Variants in TASP1 observed in about 807,000 individuals in gnomAD.
TASP1 encodes threonine aspartase 1.
A neutral mutation model predicts 56.6 loss-of-function variants in TASP1; 16 were observed. That is an observed-to-expected ratio of 0.28 (90% CI 0.19 to 0.43). The LOEUF is 0.43. TASP1 is among the 20% of genes least tolerant of loss of function. The probability of loss-of-function intolerance (pLI) is 1.00; values close to 1 mark genes in which losing one functional copy is unlikely to be tolerated. For synonymous variants in TASP1, 179 were observed against 184.2 expected, an observed-to-expected ratio of 0.97 and a Z score of 0.23; for missense variants, 393 against 511.6, an observed-to-expected ratio of 0.77 and a Z score of 2.24.
chr20:13,228,369 A>G, the TASP1 span, among the ~76,000 whole-genome samples: 3 of 152,208 alleles, frequency 2.0e-5, no homozygotes, highest in Non-Finnish European at 4.4e-5. Context: ...TATAAACTCT[A>G]TAAGAACCTA....
chr20:13,357,693 C>T, the TASP1 span, among the ~76,000 whole-genome samples: 1 of 152,188 alleles, frequency 6.6e-6, no homozygotes, highest in African/African-American at 2.4e-5. Flanking sequence ...CAAAGACTTA[C>T]ACATGAATAT....
At chr20:13,159,688 T>C in the TASP1 span, among the ~76,000 whole-genome samples, 1 of 152,220 alleles carries the variant, frequency 6.6e-6, no homozygotes, top group Non-Finnish European at 1.5e-5. Flanking sequence ...TGCAGATTTG[T>C]TAAACCAGAG....
rs187437626 is a variant in TASP1 at position 13,505,851 on chromosome 20, A to G, written c.875-22514T>C. On this transcript the variant is annotated intron_variant, in intron 10 of 13. Coordinates refer to ENST00000337743, the MANE Select transcript of TASP1 (RefSeq NM_017714.3). ...ACCTAATTTTATACTTCAATAAACT[A>G]GAAAAAGAAAAACATACGAAGGCCA... Among the ~76,000 whole-genome samples the G allele has an allele frequency of 1.2e-3, 188 of 152,256 alleles. 2 individuals carry two copies. The highest frequency in any genetic ancestry group is 2.4e-3 in the Non-Finnish European group (163 of 68,002).
chr20:13,219,621 A>G, the TASP1 span, among the ~76,000 whole-genome samples: 1 of 152,074 alleles, frequency 6.6e-6, no homozygotes, highest in Non-Finnish European at 1.5e-5. Flanking sequence ...ATGAAAAGGA[A>G]AAAATATAGC....
intron 8 of TASP1, among the ~76,000 whole-genome samples, chr20:13,547,279 T>A (rs539409215): frequency 6.6e-6 from 1 of 152,282 alleles, no homozygotes; most frequent in African/African-American, 2.4e-5. Context: ...CTGTGCCAAC[T>A]AGAAGAAAGA....
rs78341474 is a variant in TASP1 at position 13,582,514 on chromosome 20, T to C, written c.404-1533A>G. Among the ~76,000 whole-genome samples, 25 of 152,092 alleles carry C rather than the reference T, an allele frequency of 1.6e-4. No individual in the cohort carries two copies. The East Asian group carries it at 4.8e-3, about 29-fold the overall frequency. On this transcript the variant is annotated intron_variant, in intron 5 of 13. Transcript: ENST00000337743. ...TGACTCTTAATCAGAAAAATAAAAC[T>C]TTGAAAAAGAAAAATGAAGAGTTAT...
chr20:13,110,847 G>A, the TASP1 span, among the ~76,000 whole-genome samples: 1 of 152,038 alleles, frequency 6.6e-6, no homozygotes, highest in Admixed American at 6.5e-5. Flanking sequence ...GCAAATTGAG[G>A]GGGATATCTC....
intron 11 of TASP1, among the ~76,000 whole-genome samples, chr20:13,437,184 G>A (rs1442123188): frequency 1.3e-5 from 2 of 152,018 alleles, no homozygotes; most frequent in Non-Finnish European, 2.9e-5. Flanking sequence ...TTCATCCCTG[G>A]GATGCAAGGC....
the TASP1 span, among the ~76,000 whole-genome samples, chr20:13,380,078 T>G: frequency 6.6e-6 from 1 of 152,224 alleles, no homozygotes; most frequent in Admixed American, 6.5e-5. Context: ...TTCTGTCAAT[T>G]CATCAAACTC....
chr20:13,544,876 AGG>A (rs1181475163), intron 8 of TASP1, among the ~76,000 whole-genome samples: 1 of 152,216 alleles, frequency 6.6e-6, no homozygotes, highest in East Asian at 1.9e-4. Flanking sequence ...AAGGACTGGA[AGG>A]TAACATGGAC....
chr20:13,124,469 G>A, the TASP1 span, among the ~76,000 whole-genome samples: 4 of 151,618 alleles, frequency 2.6e-5, no homozygotes, highest in African/African-American at 9.7e-5. Flanking sequence ...AGAAGGGAAG[G>A]GGAAGGAAGG....
the TASP1 span, among the ~76,000 whole-genome samples, chr20:13,296,226 G>T: frequency 6.6e-6 from 1 of 152,092 alleles, no homozygotes; most frequent in Non-Finnish European, 1.5e-5. Flanking sequence ...ACCTCCAACT[G>T]GCAACCCCTC....
intron 4 of TASP1, chr20:13,614,652 GA>G: frequency 2.9e-6 from 1 of 341,370 alleles, no homozygotes; most frequent in Non-Finnish European, 5.9e-6. Context: ...TAATTAAGCA[GA>G]AAAATGACAT....
intron 1 of TASP1, among the ~76,000 whole-genome samples, chr20:13,631,651 C>T (rs536076307): frequency 1.3e-5 from 2 of 152,290 alleles, no homozygotes; most frequent in South Asian, 4.1e-4. Context: ...TGGAAAATTA[C>T]GAGCTTCAGC....
chr20:13,269,206 T>C, the TASP1 span, among the ~76,000 whole-genome samples: 1 of 152,206 alleles, frequency 6.6e-6, no homozygotes, highest in African/African-American at 2.4e-5. Context: ...GGTGAAATTC[T>C]ATCTCCTTGT....
At chr20:13,536,556 A>G (rs1264873505) in intron 8 of TASP1, among the ~76,000 whole-genome samples, 1 of 152,034 alleles carries the variant, frequency 6.6e-6, no homozygotes, top group Non-Finnish European at 1.5e-5. Context: ...CAGAGAAGTC[A>G]AGAAAGGGTA....
the TASP1 span, among the ~76,000 whole-genome samples, chr20:13,194,560 TGTGTG>T: frequency 6.7e-6 from 1 of 148,938 alleles, no homozygotes; most frequent in Non-Finnish European, 1.5e-5. Flanking sequence ...TGTGTGTGTG[TGTGTG>T]TGTGTGTGTG....
chr20:13,392,628 C>A (rs1332206975), intron 13 of TASP1: 4 of 395,636 alleles, frequency 1.0e-5, no homozygotes, highest in Non-Finnish European at 1.5e-5. Context: ...CCTGCTCCTG[C>A]CATTCAAGAG....
chr20:13,423,224 C>T lies in TASP1; in HGVS notation c.1097-5703G>A, dbSNP rs538152910. On this transcript the variant is annotated intron_variant, in intron 12 of 13. Coordinates refer to ENST00000337743, the MANE Select transcript of TASP1 (RefSeq NM_017714.3). ...CTACATGGATATGGAACCAACTACA[C>T]TGTTTTTCAAACTTTTTGATCACAA... Among the ~76,000 whole-genome samples, 20 of 152,262 alleles carry T rather than the reference C, an allele frequency of 1.3e-4. 1 individual carries two copies. Among genetic ancestry groups the T allele is most frequent in the African/African-American group, 4.6e-4 (19 of 41,550 alleles).
Sources: allele counts gnomAD v4.1 joint callset (sites outside exome capture counted in the v4.1 genomes callset), GRCh38; gene constraint gnomAD v4.1.1; transcripts MANE v1.5; gene names NCBI Gene and HGNC (gene_info 2026-07-23, HGNC 2026-07-21).